Variants in MECR observed in about 807,000 individuals in gnomAD.
MECR encodes the protein enoyl-[acyl-carrier-protein] reductase, mitochondrial.
In MECR, 37 loss-of-function variants were observed where a neutral mutation model predicts 49.1. The ratio of observed to expected loss-of-function variants is 0.75; its 90% confidence interval spans 0.58 to 0.99. The LOEUF is 0.99. MECR is among the 50% of genes least tolerant of loss of function. The pLI is 0.00. For synonymous variants in MECR, 198 were observed against 191.1 expected (o/e 1.04, Z -0.30); for missense variants, 470 against 479.6 (o/e 0.98, Z 0.19).
chr1:29,185,896 G>A, the MECR span, among the ~76,000 whole-genome samples: 1 of 152,110 alleles, frequency 6.6e-6, no homozygotes, highest in African/African-American at 2.4e-5. Context: ...AGATGGGGGG[G>A]ATCTCCTGAG....
In MECR at chr1:29,219,862, G is replaced by A. The variant is rs115021312; in HGVS notation, c.177-3177C>T. Among the ~76,000 whole-genome samples, 1,362 of 152,266 alleles carry A rather than the reference G, an allele frequency of 8.9e-3. 13 individuals carry two copies. The highest frequency in any genetic ancestry group is 0.016 in the Non-Finnish European group (1,059 of 68,006). ...TAGAAAAAACCTGTCAGTTTCCAGC[G>A]CTTTCAGGATTTTGGAACTGCAGAT... is the stretch of plus-strand genomic sequence containing the variant. On this transcript the variant is annotated intron_variant, in intron 1 of 9. Transcript: ENST00000263702.
the MECR span, among the ~76,000 whole-genome samples, chr1:29,186,127 C>T: frequency 6.6e-6 from 1 of 152,234 alleles, no homozygotes; most frequent in Admixed American, 6.5e-5. Context: ...ACCTGCTCCT[C>T]CTTCCCCAAT....
chr1:29,182,804 A>G, the MECR span, among the ~76,000 whole-genome samples: 8 of 152,304 alleles, frequency 5.3e-5, no homozygotes, highest in African/African-American at 1.7e-4. Context: ...TTGGCCTCCC[A>G]AAGTGCTGGG....
At position 29,201,196 on chromosome 1, in the gene MECR, C is replaced by T. The variant is rs1675231329; in HGVS notation, c.757-607G>A. 6.6e-6 allele frequency among the ~76,000 whole-genome samples: 1 copy of T among 152,232 alleles called. No homozygotes were observed. The highest frequency in any genetic ancestry group is 2.4e-5 in the African/African-American group (1 of 41,460). On this transcript the variant is annotated intron_variant, in intron 6 of 9. Transcript: ENST00000263702. This position sits in a 1 kb window ranked among gnomAD's most constrained non-coding sequence, Gnocchi z 4.3. Reference sequence around the variant, plus strand: ...AGAATAGGCAAAGGGCATCTGCATGCAGTTTGGTGGGTTTCAGCTCCCTGT... The same window carrying T: ...AGAATAGGCAAAGGGCATCTGCATGTAGTTTGGTGGGTTTCAGCTCCCTGT...
intron 1 of MECR, among the ~76,000 whole-genome samples, chr1:29,222,091 G>A (rs1218881636): frequency 6.6e-6 from 1 of 152,188 alleles, no homozygotes; most frequent in East Asian, 1.9e-4. Flanking sequence ...GATACTGTTA[G>A]GTATTTCTTT....
At chr1:29,226,792 C>G (rs527942095) in intron 1 of MECR, among the ~76,000 whole-genome samples, 1 of 151,608 alleles carries the variant, frequency 6.6e-6, no homozygotes, top group African/African-American at 2.4e-5. Flanking sequence ...TTTAAAACCC[C>G]GTAATATACA....
At chr1:29,225,139 T>C (rs1055761560) in intron 1 of MECR, among the ~76,000 whole-genome samples, 1 of 152,228 alleles carries the variant, frequency 6.6e-6, no homozygotes. Flanking sequence ...GTATGAGTTA[T>C]AGGATGTGGA....
chr1:29,214,945 T>G (rs1007218749), intron 3 of MECR, among the ~76,000 whole-genome samples: 1 of 152,144 alleles, frequency 6.6e-6, no homozygotes. Context: ...TGACTCCTTA[T>G]AATATATCAA....
the MECR span, chr1:29,169,124 G>A: frequency 6.6e-6 from 1 of 152,178 alleles, no homozygotes; most frequent in South Asian, 2.1e-4. Context: ...AAAGCATTAT[G>A]CTAAGTGCTT....
rs1466482483 is a variant in MECR at position 29,196,270 on chromosome 1, A to G, written c.831-12T>C. On this transcript the variant is annotated splice_polypyrimidine_tract_variant and intron_variant, in intron 7 of 9. Coordinates refer to ENST00000263702, the MANE Select transcript of MECR (RefSeq NM_016011.5). ...TGGTTCCTCCACGCCTGAAAAGTCC[A>G]AAGAGAACAAAGAGTGGATGCAAGG... The G allele has an allele frequency of 2.5e-6, 4 of 1,604,044 alleles. No homozygotes were observed. In the East Asian group the frequency reaches 9.0e-5, roughly 36 times the overall value.
At chr1:29,175,375 T>A in the MECR span, among the ~76,000 whole-genome samples, 3 of 150,488 alleles carry the variant, frequency 2.0e-5, no homozygotes. Flanking sequence ...CATTCCAGCC[T>A]GGGCAACAGA....
In MECR at chr1:29,193,987, TC is replaced by T; in HGVS notation, c.*34del. 6 of 1,612,786 alleles carry T rather than the reference TC, an allele frequency of 3.7e-6. No homozygotes were observed. Among genetic ancestry groups the T allele is most frequent in the Non-Finnish European group, 5.1e-6 (6 of 1,179,636 alleles). ...CTGCACCCAGCCCCTCAGATCCGCCTCCCCTCCCATGTCACTCCAGCTCTTT... is the reference window on the plus strand; with the variant it reads ...CTGCACCCAGCCCCTCAGATCCGCCTCCCTCCCATGTCACTCCAGCTCTTT... On this transcript the variant is annotated 3_prime_UTR_variant, in exon 10 of 10. Transcript: ENST00000263702.
the MECR span, among the ~76,000 whole-genome samples, chr1:29,173,963 C>A: frequency 6.6e-6 from 1 of 151,156 alleles, no homozygotes; most frequent in Non-Finnish European, 1.5e-5. Flanking sequence ...ATGAGGTGGG[C>A]GGATCACCTG....
At chr1:29,174,932 A>T in the MECR span, among the ~76,000 whole-genome samples, 1 of 151,412 alleles carries the variant, frequency 6.6e-6, no homozygotes, top group African/African-American at 2.4e-5. Flanking sequence ...TTGGCCTCCC[A>T]AAGTGTTGGG....
Position 29,198,520 on chromosome 1 carries a change from T to C in MECR, c.830+1996A>G, listed in dbSNP as rs1674555897. ...TGCCGCAGGGGTTGTCTGTCAGGTATAGGGCTGAAGCGGTGTGCTCAAATG... is the reference window on the plus strand; with the variant it reads ...TGCCGCAGGGGTTGTCTGTCAGGTACAGGGCTGAAGCGGTGTGCTCAAATG... On this transcript the variant is annotated intron_variant, in intron 7 of 9. Coordinates refer to ENST00000263702, the MANE Select transcript of MECR (RefSeq NM_016011.5). Among the ~76,000 whole-genome samples the C allele has an allele frequency of 3.3e-5, 5 of 152,232 alleles. No homozygotes were observed. The South Asian group carries it at 1.0e-3, about 31-fold the overall frequency.
chr1:29,179,222 G>A, the MECR span, among the ~76,000 whole-genome samples: 1 of 152,056 alleles, frequency 6.6e-6, no homozygotes, highest in Non-Finnish European at 1.5e-5. Context: ...TAAATTTCTA[G>A]ATTCTTCATA....
Position 29,201,866 on chromosome 1 carries a change from A to G in MECR, c.756+77T>C. On this transcript the variant is annotated intron_variant, in intron 6 of 9. Coordinates refer to ENST00000263702, the MANE Select transcript of MECR (RefSeq NM_016011.5). This position sits in a 1 kb window ranked among gnomAD's most constrained non-coding sequence, Gnocchi z 4.3. Reference sequence around the variant, plus strand: ...GAGAGGAACAATGGGGCCAGTCCCCAGTTTCTCTAATGCATGTCAACTTTC... The same window carrying G: ...GAGAGGAACAATGGGGCCAGTCCCCGGTTTCTCTAATGCATGTCAACTTTC... The G allele has an allele frequency of 8.1e-7, 1 of 1,231,242 alleles. No individual in the cohort carries two copies. Among genetic ancestry groups the G allele is most frequent in the Non-Finnish European group, 1.2e-6 (1 of 836,288 alleles). The allele number at this position is 1,231,242 out of a possible 1,614,324, so 76.3% of individuals were successfully genotyped here.
rs547951193 is a variant in MECR, at chr1:29,205,167, G to T, written c.550+1595C>A. Among the ~76,000 whole-genome samples, 5 of 148,150 alleles carry T rather than the reference G, an allele frequency of 3.4e-5. No individual in the cohort carries two copies. In the South Asian group the frequency reaches 6.4e-4, roughly 19 times the overall value. On this transcript the variant is annotated intron_variant, in intron 4 of 9. Coordinates refer to ENST00000263702, the MANE Select transcript of MECR (RefSeq NM_016011.5). ...TGGCCCAGCCTCTCATCATTCAAGG[G>T]TTAGTTTTTGTTTTGTTTTGTTTTG...
chr1:29,196,188 C>A lies in MECR; in HGVS notation c.891+10G>T. 6.2e-7 allele frequency: 1 copy of A among 1,614,150 alleles called. No homozygotes were observed. Among genetic ancestry groups the A allele is most frequent in the Non-Finnish European group, 8.5e-7 (1 of 1,179,986 alleles). On this transcript the variant is annotated intron_variant, in intron 8 of 9. Coordinates refer to ENST00000263702, the MANE Select transcript of MECR (RefSeq NM_016011.5). Reference sequence around the variant, plus strand: ...GGCTCCAGGCATGCCTCCCTCTGCACCCAGCTTACCACAGAGGCTACGACG... The same window carrying A: ...GGCTCCAGGCATGCCTCCCTCTGCAACCAGCTTACCACAGAGGCTACGACG...
Sources: allele counts gnomAD v4.1 joint callset (sites outside exome capture counted in the v4.1 genomes callset), GRCh38; gene constraint gnomAD v4.1.1; non-coding constraint Gnocchi (gnomAD v3.1); transcripts MANE v1.5; gene names NCBI Gene and HGNC (gene_info 2026-07-23, HGNC 2026-07-21).